CPS1: variants seen among roughly 807,000 people sequenced by gnomAD.
The protein encoded by CPS1 is carbamoyl-phosphate synthase 1.
CPS1 carries 109 observed loss-of-function variants against 174.6 expected under a neutral mutation model. The observed-to-expected ratio is 0.62, with a 90% CI of 0.53 to 0.73. CPS1 has a LOEUF of 0.73. Ranked by LOEUF, CPS1 falls within the 30% of genes least tolerant of loss-of-function variation. CPS1 has a pLI of 0.00. For missense variants in CPS1, 1,689 were observed against 1,821.9 expected, an observed-to-expected ratio of 0.93 and a Z score of 1.33; for synonymous variants, 637 against 632.0, an observed-to-expected ratio of 1.01 and a Z score of -0.12.
chr2:210,560,752 T>C (rs781305365), intron 1 of CPS1, among the ~76,000 whole-genome samples: 1 of 152,174 alleles, frequency 6.6e-6, no homozygotes, highest in Non-Finnish European at 1.5e-5. Flanking sequence ...AATAATTTAC[T>C]TACATTGTAG....
At chr2:210,578,754 A>G (rs1697797903) in intron 4 of CPS1, among the ~76,000 whole-genome samples, 1 of 152,126 alleles carries the variant, frequency 6.6e-6, no homozygotes, top group South Asian at 2.1e-4. Flanking sequence ...TATTATCTGA[A>G]TTTATCTTCC....
chr2:210,567,698 T>C (rs780741352), intron 1 of CPS1, among the ~76,000 whole-genome samples: 6 of 152,174 alleles, frequency 3.9e-5, no homozygotes, highest in Non-Finnish European at 7.4e-5. Context: ...GGTCTTCTTC[T>C]GAAGGCATTA....
intron 13 of CPS1, among the ~76,000 whole-genome samples, chr2:210,598,116 T>G (rs1322327855): frequency 6.6e-6 from 1 of 151,710 alleles, no homozygotes. Context: ...ATTTTAGGTC[T>G]GGGGGTTAAC....
At chr2:210,513,364 AG>A (rs759790699) in intron 1 of CPS1, among the ~76,000 whole-genome samples, 4 of 151,626 alleles carry the variant, frequency 2.6e-5, no homozygotes, top group Non-Finnish European at 4.4e-5. Flanking sequence ...TTTTAATAAC[AG>A]CCATTCCTAC....
intron 1 of CPS1, among the ~76,000 whole-genome samples, chr2:210,534,909 G>T (rs979908949): frequency 5.9e-5 from 9 of 152,082 alleles, no homozygotes; most frequent in Non-Finnish European, 1.3e-4. Context: ...GTCTTCTTTG[G>T]TCCTTGCAGA....
chr2:210,631,008 G>T (rs1257810960), intron 21 of CPS1, among the ~76,000 whole-genome samples: 4 of 143,002 alleles, frequency 2.8e-5, no homozygotes, highest in African/African-American at 1.0e-4. Context: ...GTTTTTTTCT[G>T]CCTTTTGGAG....
intron 1 of CPS1, among the ~76,000 whole-genome samples, chr2:210,540,605 C>T (rs1162051426): frequency 2.0e-5 from 3 of 152,168 alleles, no homozygotes; most frequent in Non-Finnish European, 4.4e-5. Context: ...TTTTGCGTAA[C>T]TTATTCTGTT....
At chr2:210,674,873 A>C in intron 34 of CPS1, 29 bp from the exon 35 acceptor site, 1 of 1,588,130 alleles carries the variant, frequency 6.3e-7, no homozygotes, top group Non-Finnish European at 8.6e-7. Context: ...GTATATCTAG[A>C]AAGTGAATTT....
At chr2:210,484,555 C>G (rs1694663599) in intron 1 of CPS1, among the ~76,000 whole-genome samples, 1 of 152,102 alleles carries the variant, frequency 6.6e-6, no homozygotes, top group African/African-American at 2.4e-5. Flanking sequence ...TATCTGAGTT[C>G]CTTTCTCAGG....
rs548718796 is a variant in CPS1 at position 210,677,519 on chromosome 2, C to T, written c.4405-368C>T. ...GTAGCACAAGTGCTTGTTCAATTCA[C>T]AGAAAATGATTGCATGAGGCATGTT... On this transcript the variant is annotated intron_variant, in intron 37 of 37. Coordinates refer to ENST00000233072, the MANE Select transcript of CPS1 (RefSeq NM_001875.5). 8.9e-4 allele frequency among the ~76,000 whole-genome samples: 136 copies of T among 152,352 alleles called. 1 individual carries two copies. The highest frequency in any genetic ancestry group is 2.9e-3 in the African/African-American group (120 of 41,582).
chr2:210,646,400 G>GT (rs1700378822), intron 25 of CPS1, among the ~76,000 whole-genome samples: 1 of 152,126 alleles, frequency 6.6e-6, no homozygotes. Context: ...TTTCAGTACT[G>GT]TTTACAATGC....
At chr2:210,559,360 CTCTT>C (rs938539803) in intron 1 of CPS1, among the ~76,000 whole-genome samples, 1 of 152,040 alleles carries the variant, frequency 6.6e-6, no homozygotes, top group African/African-American at 2.4e-5. Context: ...CTTTTCCTCT[CTCTT>C]TGATGACAGA....
At position 210,605,152 on chromosome 2, in the gene CPS1, G is replaced by A; in HGVS notation, c.1887G>A (p.Trp629Ter). 6.2e-7 allele frequency: 1 copy of A among 1,612,106 alleles called. No homozygotes were observed. Among genetic ancestry groups the A allele is most frequent in the South Asian group, 1.1e-5 (1 of 91,038 alleles). ...TGGTGGAGAAGTCAGTGACAGGTTG[G>A]AAAGAAATAGAATATGAAGTGGTTC... is the stretch of plus-strand genomic sequence containing the variant. ...QILVEKSVTGWKEIEYEVVRD... is the reference protein window; with the variant it reads ...QILVEKSVTG The change falls in exon 17 of 38, where the codon TGG (tryptophan) becomes TGA (stop). Residue 629 changes from tryptophan to a stop codon, truncating the protein, a stop_gained. Transcript: ENST00000233072. LOFTEE classifies it high-confidence loss of function.
At chr2:210,623,545 C>G (rs1202905094) in intron 21 of CPS1, among the ~76,000 whole-genome samples, 1 of 151,942 alleles carries the variant, frequency 6.6e-6, no homozygotes, top group Non-Finnish European at 1.5e-5. Context: ...CAATTTCCAT[C>G]CGAAATCACT....
intron 1 of CPS1, among the ~76,000 whole-genome samples, chr2:210,513,307 G>A (rs1695581920): frequency 6.6e-6 from 1 of 151,394 alleles, no homozygotes; most frequent in South Asian, 2.1e-4. Flanking sequence ...CAGTGTATAA[G>A]CATTCCCTTT....
chr2:210,554,622 T>C (rs192625898), upstream of CPS1, among the ~76,000 whole-genome samples: 12 of 152,018 alleles, frequency 7.9e-5, no homozygotes, highest in East Asian at 2.1e-3. Context: ...CTATGACTGA[T>C]TTAAATTTAT....
chr2:210,511,669 G>A (rs549286817), intron 1 of CPS1, among the ~76,000 whole-genome samples: 2 of 152,036 alleles, frequency 1.3e-5, no homozygotes, highest in South Asian at 4.1e-4. Context: ...TGATACTCCC[G>A]GTCAAACCTA....
chr2:210,518,970 C>T (rs1395401702), intron 1 of CPS1, among the ~76,000 whole-genome samples: 1 of 151,958 alleles, frequency 6.6e-6, no homozygotes, highest in Non-Finnish European at 1.5e-5. Flanking sequence ...TTAAAAACAT[C>T]TTTAGTTCCT....
In CPS1 at chr2:210,579,755, A is replaced by G. The variant is rs1472099787; in HGVS notation, c.513A>G (p.Lys171=). The change falls in exon 5 of 38, where the codon AAA becomes AAG. Residue 171 remains lysine (K), a synonymous_variant. Transcript: ENST00000233072. ...GAGTGGACACAAGAATGCTGACTAAAATAATTCGGGATAAGGTATAATCAT... is the reference window on the plus strand; with the variant it reads ...GAGTGGACACAAGAATGCTGACTAAGATAATTCGGGATAAGGTATAATCAT... ...IYGVDTRMLT[K]IIRDKGTMLG... 6.2e-7 allele frequency: 1 copy of G among 1,612,866 alleles called. No individual in the cohort carries two copies. Among genetic ancestry groups the G allele is most frequent in the Admixed American group, 1.7e-5 (1 of 59,956 alleles).
Sources: allele counts gnomAD v4.1 joint callset (sites outside exome capture counted in the v4.1 genomes callset), GRCh38; gene constraint gnomAD v4.1.1; transcripts MANE v1.5; gene names NCBI Gene and HGNC (gene_info 2026-07-23, HGNC 2026-07-21).